TEX15: variants seen among roughly 807,000 people sequenced by gnomAD.
TEX15 encodes the protein testis expressed 15, meiosis and synapsis associated, also known as testis-expressed protein 15.
TEX15 carries 171 observed loss-of-function variants against 237.3 expected under a neutral mutation model. The ratio of observed to expected loss-of-function variants is 0.72; its 90% CI spans 0.64 to 0.82. TEX15 has a LOEUF of 0.82. Among genes scored for constraint, TEX15 ranks in the 40% least tolerant of loss-of-function variants. The pLI is 0.00. For missense variants in TEX15, 3,750 were observed against 3,646.5 expected, an observed-to-expected ratio of 1.03 and a Z score of -0.73; for synonymous variants, 1,338 against 1,269.8, an observed-to-expected ratio of 1.05 and a Z score of -1.14.
In TEX15 at chr8:30,847,795, G is replaced by T. The variant is rs755283593; in HGVS notation, c.2372C>A (p.Ala791Asp). The T allele has an allele frequency of 6.2e-7, 1 of 1,613,772 alleles. No individual in the cohort carries two copies. Among genetic ancestry groups the T allele is most frequent in the South Asian group, 1.1e-5 (1 of 91,076 alleles). The change falls in exon 8 of 11, where the codon GCT (alanine) becomes GAT (aspartate). Residue 791 changes from alanine (A) to aspartate (D), a missense_variant. Physicochemically the swap from Ala to Asp is moderately radical, Grantham distance 126. Transcript: ENST00000643185. The part of the protein sequence containing the change: ...TVISSYNIET[A>D]HDSSNCSITR... ...TATGCTGCAATTTGAACTGTCATGA[G>T]CTGTTTCTATGTTATAAGATGAAAT...
At chr8:30,865,686 C>A (rs924081401) in intron 5 of TEX15, among the ~76,000 whole-genome samples, 4 of 151,794 alleles carry the variant, frequency 2.6e-5, no homozygotes, top group Non-Finnish European at 2.9e-5. Context: ...TCAAGAAAAT[C>A]AAAAACAAAA....
At chr8:30,839,591 AT>A in intron 9 of TEX15, among the ~76,000 whole-genome samples, 1 of 152,262 alleles carries the variant, frequency 6.6e-6, no homozygotes, top group African/African-American at 2.4e-5. Flanking sequence ...CTGTGAAACA[AT>A]CACCCTTTTC....
chr8:30,858,790 T>C lies in TEX15; in HGVS notation c.728A>G (p.Asp243Gly). The C allele has an allele frequency of 1.3e-6, 2 of 1,535,572 alleles. No individual in the cohort carries two copies. Among genetic ancestry groups the C allele is most frequent in the Non-Finnish European group, 1.7e-6 (2 of 1,146,642 alleles). The change falls in exon 7 of 11, where the codon GAT becomes GGT. Residue 243 changes from aspartate (D) to glycine (G), a missense_variant. By Grantham distance (94) the Asp-to-Gly change is moderately conservative. Coordinates refer to ENST00000643185, the MANE Select transcript of TEX15 (RefSeq NM_001350162.2). Reference sequence around the variant, plus strand: ...ATATGGAAGACATTGCCTAGGTTTATCTACAGGCTTTGAAAGGACACTGTA... The same window carrying C: ...ATATGGAAGACATTGCCTAGGTTTACCTACAGGCTTTGAAAGGACACTGTA... ...YEYSVLSKPVDKPRQCLPYAV... is the reference protein window; with the variant it reads ...YEYSVLSKPVGKPRQCLPYAV...
Position 30,845,811 on chromosome 8 carries a change from A to AT in TEX15, c.4355dup (p.Tyr1452Ter), listed in dbSNP as rs1477856248. 1 of 1,608,948 alleles carries AT rather than the reference A, an allele frequency of 6.2e-7. No individual in the cohort carries two copies. The highest frequency in any genetic ancestry group is 1.7e-5 in the Admixed American group (1 of 58,992). ...STKHFSSKRK[Y>*]DKRRKKRAPK... is the part of the protein sequence containing the mutation. ...GAGCTCTTTTCTTTCTCCGTTTGTC[A>AT]TATTTTCTTTTTGACGAAAAATGCT... Residue 1452 changes from tyrosine (Y) to a stop codon, truncating the protein, a stop_gained and frameshift_variant, in exon 8 of 11, where the codon TAT becomes TAAT. Transcript: ENST00000643185. LOFTEE classifies it high-confidence loss of function.
At position 30,848,710 on chromosome 8, in the gene TEX15, T is replaced by C; in HGVS notation, c.1457A>G (p.Asp486Gly). Residue 486 changes from aspartate (D) to glycine (G), a missense_variant, in exon 8 of 11, where the codon GAT becomes GGT. Transcript: ENST00000643185. The stretch of plus-strand genomic sequence containing the variant: ...CAAACCATTAGTAAGAACAGCACAA[T>C]CACCAGGGACAACTTCTGAGGAGGA... ...SASSSEVVPG[D>G]CAVLTNGLDT... The C allele has an allele frequency of 6.2e-7, 1 of 1,614,162 alleles. No homozygotes were observed. Among genetic ancestry groups the C allele is most frequent in the Middle Eastern group, 1.6e-4 (1 of 6,062 alleles).
At position 30,832,058 on chromosome 8, in the gene TEX15, A is replaced by G. The variant is rs953737744; in HGVS notation, c.*1228T>C. 2.0e-5 allele frequency: 3 copies of G among 152,196 alleles called. No homozygotes were observed. Among genetic ancestry groups the G allele is most frequent in the Admixed American group, 1.3e-4 (2 of 15,278 alleles). The allele number at this position is 152,196 out of a possible 1,614,324, so 9.4% of individuals were successfully genotyped here. The stretch of plus-strand genomic sequence containing the variant: ...CTTTTTAAAGATCTCTATGTTAAAG[A>G]AGCAGCTTAGGTATTCTGAATTCCA... On this transcript the variant is annotated 3_prime_UTR_variant, in exon 11 of 11. Transcript: ENST00000643185.
chr8:30,845,888 A>C lies in TEX15; in HGVS notation c.4279T>G (p.Cys1427Gly). ...ACAGAACTATAACCTTGAAGGTCAC[A>C]ACTTTCCCAGAAATTATTGCATATT... ...AIICNNFWES[C>G]DLQGYSSVSQ... Residue 1427 changes from cysteine (C) to glycine (G), a missense_variant, in exon 8 of 11, where the codon TGT (cysteine) becomes GGT (glycine). Physicochemically the swap from Cys to Gly is radical, Grantham distance 159. Coordinates refer to ENST00000643185, the MANE Select transcript of TEX15 (RefSeq NM_001350162.2). The C allele has an allele frequency of 6.2e-7, 1 of 1,613,340 alleles. No homozygotes were observed. Among genetic ancestry groups the C allele is most frequent in the South Asian group, 1.1e-5 (1 of 90,980 alleles).
chr8:30,849,253 G>A lies in TEX15; in HGVS notation c.914C>T (p.Thr305Ile). The A allele has an allele frequency of 1.3e-6, 2 of 1,535,698 alleles. No homozygotes were observed. Among genetic ancestry groups the A allele is most frequent in the Non-Finnish European group, 1.7e-6 (2 of 1,146,774 alleles). ...TTTCTTGAAATGCACAAAGGTGACA[G>A]TAGCATCTTTTCCTTTTCCAAATCT... ...AKRFGKGKDA[T>I]VTFVHFKKPV... The change falls in exon 8 of 11, where the codon ACT becomes ATT. Residue 305 changes from threonine (T) to isoleucine (I), a missense_variant. Physicochemically the swap from Thr to Ile is moderately conservative, Grantham distance 89 (BLOSUM62 -1). Coordinates refer to ENST00000643185, the MANE Select transcript of TEX15 (RefSeq NM_001350162.2).
In TEX15 at chr8:30,833,205, C is replaced by A. The variant is rs932072312; in HGVS notation, c.*81G>T. 2 of 901,196 alleles carry A rather than the reference C, an allele frequency of 2.2e-6. No homozygotes were observed. Among genetic ancestry groups the A allele is most frequent in the African/African-American group, 3.4e-5 (2 of 58,274 alleles). The allele number at this position is 901,196 out of a possible 1,614,324, so 55.8% of individuals were successfully genotyped here. ...TACCACATTTACAAACATTAAAAAT[C>A]GCTAAATGTTAAAAAATATATAAGT... On this transcript the variant is annotated 3_prime_UTR_variant, in exon 11 of 11. Coordinates refer to ENST00000643185, the MANE Select transcript of TEX15 (RefSeq NM_001350162.2).
chr8:30,895,862 G>A (rs752444777), intron 2 of TEX15, among the ~76,000 whole-genome samples: 4 of 151,606 alleles, frequency 2.6e-5, no homozygotes, highest in Non-Finnish European at 4.4e-5. Flanking sequence ...TTGTATTTTA[G>A]TAGAGACGGG....
In TEX15 at chr8:30,911,165, G is replaced by T. The variant is rs1387710039; in HGVS notation, c.-86+1714C>A. On this transcript the variant is annotated intron_variant, in intron 1 of 10. Coordinates refer to ENST00000643185, the MANE Select transcript of TEX15 (RefSeq NM_001350162.2). The stretch of plus-strand genomic sequence containing the variant: ...GACAGAGTCTCGCTCTGTCGCCCGG[G>T]CTGGAGTGCAGTGGTGCAATCTCAG... 2.0e-5 allele frequency among the ~76,000 whole-genome samples: 3 copies of T among 152,100 alleles called. No individual in the cohort carries two copies. In the East Asian group the frequency reaches 5.8e-4, roughly 29 times the overall value.
At chr8:30,899,004 C>G (rs1251541950) in intron 1 of TEX15, among the ~76,000 whole-genome samples, 187 bp from the exon 2 acceptor site, 1 of 152,078 alleles carries the variant, frequency 6.6e-6, no homozygotes, top group African/African-American at 2.4e-5. Context: ...TTCCTTCTCT[C>G]AAGCCTTTCC....
Position 30,845,811 on chromosome 8 carries a change from A to G in TEX15, c.4356T>C (p.Tyr1452=), listed in dbSNP as rs146297284. 4.8e-5 allele frequency: 78 copies of G among 1,608,950 alleles called. No individual in the cohort carries two copies. Among genetic ancestry groups the G allele is most frequent in the Non-Finnish European group, 6.3e-5 (74 of 1,178,730 alleles). The change falls in exon 8 of 11, where the codon TAT becomes TAC. Residue 1452 remains tyrosine, a synonymous_variant. Coordinates refer to ENST00000643185, the MANE Select transcript of TEX15 (RefSeq NM_001350162.2). ...STKHFSSKRK[Y]DKRRKKRAPK... is the part of the protein sequence containing the mutation. ...GAGCTCTTTTCTTTCTCCGTTTGTC[A>G]TATTTTCTTTTTGACGAAAAATGCT... is the stretch of plus-strand genomic sequence containing the variant.
At chr8:30,886,240 G>A (rs114332208) in intron 3 of TEX15, among the ~76,000 whole-genome samples, 3,306 of 152,302 alleles carry the variant, frequency 0.022, 114 homozygotes, top group African/African-American at 0.075. Flanking sequence ...ATGGCTGGCA[G>A]GGAAAGGGGA....
intron 2 of TEX15, among the ~76,000 whole-genome samples, chr8:30,888,376 C>T (rs940885770): frequency 6.6e-6 from 1 of 152,136 alleles, no homozygotes; most frequent in Non-Finnish European, 1.5e-5. Flanking sequence ...AACAGCCAAT[C>T]GCTTATTGAC....
At chr8:30,898,848 T>TA (rs1808955454) in intron 1 of TEX15, 31 bp from the exon 2 acceptor site, 2 of 152,168 alleles carry the variant, frequency 1.3e-5, no homozygotes, top group Admixed American at 1.3e-4. Context: ...CAGAAACATG[T>TA]AGAGAATTAT....
chr8:30,874,013 C>T (rs323376), intron 4 of TEX15, among the ~76,000 whole-genome samples: 6 of 151,962 alleles, frequency 3.9e-5, no homozygotes, highest in Non-Finnish European at 7.4e-5. Context: ...ACCAAAGAAC[C>T]GTGTCAGGAA....
At chr8:30,887,889 C>CATATATATATATAT (rs36204928) in intron 2 of TEX15, 2 of 108,064 alleles carry the variant, frequency 1.9e-5, no homozygotes, top group Non-Finnish European at 3.9e-5. Flanking sequence ...ATATATATTT[C>CATATATATATATAT]ATATATATAT....
At chr8:30,887,045 G>A (rs1808664614) in intron 3 of TEX15, 122 bp downstream of exon 3, 2 of 820,618 alleles carry the variant, frequency 2.4e-6, no homozygotes, top group Non-Finnish European at 3.6e-6. Context: ...GTATGTTTAA[G>A]GAATTAGAGA....
Sources: gnomAD v4.1 joint callset for allele counts (sites outside exome capture counted in the v4.1 genomes callset) on GRCh38, gnomAD v4.1.1 for gene constraint, MANE v1.5 for transcripts, NCBI Gene and HGNC (gene_info 2026-07-23, HGNC 2026-07-21) for gene names.